PLD5: variants seen among roughly 807,000 people sequenced by gnomAD.
PLD5 encodes inactive phospholipase D5.
In PLD5, 36 loss-of-function variants were observed where a neutral mutation model predicts 61.1. The observed-to-expected ratio is 0.59, with a 90% confidence interval of 0.45 to 0.78. The LOEUF (loss-of-function observed/expected upper bound fraction) is 0.78, where lower values mean the gene tolerates loss of function less well. Ranked by LOEUF, PLD5 falls within the 30% of genes least tolerant of loss-of-function variation. The pLI, the probability that PLD5 is intolerant of heterozygous loss-of-function variation, is 0.00. For synonymous variants in PLD5, 243 were observed against 242.8 expected, an observed-to-expected ratio of 1.00 and a Z score of -0.01; for missense variants, 515 against 644.4, an observed-to-expected ratio of 0.80 and a Z score of 2.17.
At chr1:242,306,770 C>T (rs1379104102) in intron 2 of PLD5, among the ~76,000 whole-genome samples, 18 of 135,294 alleles carry the variant, frequency 1.3e-4, no homozygotes, top group Admixed American at 3.1e-4. Flanking sequence ...CACACACACA[C>T]ACACACACAC....
intron 4 of PLD5, among the ~76,000 whole-genome samples, chr1:242,247,439 C>CA (rs1672455929): frequency 3.3e-5 from 5 of 152,292 alleles, no homozygotes; most frequent in South Asian, 4.1e-4. Context: ...TGGGTCATTA[C>CA]AAAAAACCCA....
chr1:242,224,564 C>T (rs988222656), intron 4 of PLD5, among the ~76,000 whole-genome samples: 4 of 152,058 alleles, frequency 2.6e-5, no homozygotes, highest in Non-Finnish European at 5.9e-5. Flanking sequence ...TCAATATTCA[C>T]GGGGGTTATT....
intron 4 of PLD5, among the ~76,000 whole-genome samples, chr1:242,259,501 T>G (rs543088566): frequency 1.3e-5 from 2 of 152,304 alleles, no homozygotes; most frequent in East Asian, 3.9e-4. Flanking sequence ...AACTCAATTA[T>G]AGTAAATAAT....
intron 1 of PLD5, among the ~76,000 whole-genome samples, chr1:242,486,874 T>C (rs954156457): frequency 3.3e-5 from 5 of 152,124 alleles, no homozygotes; most frequent in African/African-American, 4.8e-5. Context: ...TGGAATACTA[T>C]GCAGCCATAA....
At chr1:242,319,920 C>G (rs1163368993) in intron 2 of PLD5, among the ~76,000 whole-genome samples, 35 of 152,200 alleles carry the variant, frequency 2.3e-4, no homozygotes, top group Non-Finnish European at 3.5e-4. Flanking sequence ...CCACTTTTAT[C>G]TACCACCCTT....
intron 1 of PLD5, among the ~76,000 whole-genome samples, chr1:242,435,459 G>A (rs997182980): frequency 6.7e-6 from 1 of 149,346 alleles, no homozygotes; most frequent in African/African-American, 2.6e-5. Context: ...TAGCATTGAA[G>A]TGTGTATAGT....
chr1:242,408,758 A>C (rs1477302339), intron 1 of PLD5, among the ~76,000 whole-genome samples: 3 of 152,018 alleles, frequency 2.0e-5, no homozygotes, highest in African/African-American at 7.2e-5. Flanking sequence ...GGCCTAACAC[A>C]CCAGTGCTTT....
chr1:242,259,462 A>G (rs1157357327), intron 4 of PLD5, among the ~76,000 whole-genome samples: 2 of 152,260 alleles, frequency 1.3e-5, no homozygotes, highest in Non-Finnish European at 2.9e-5. Context: ...TGTATTTGGG[A>G]AATCACAATT....
At chr1:242,501,777 T>C (rs1668561340) in intron 1 of PLD5, among the ~76,000 whole-genome samples, 1 of 117,566 alleles carries the variant, frequency 8.5e-6, no homozygotes, top group Non-Finnish European at 1.7e-5. Context: ...AATTAAGATA[T>C]ATTAATATTC....
chr1:242,094,901 A>C (rs1404702319), intron 9 of PLD5, among the ~76,000 whole-genome samples: 1 of 152,014 alleles, frequency 6.6e-6, no homozygotes, highest in Admixed American at 6.6e-5. Context: ...ATTCAAATAT[A>C]GGTTTGTCTC....
chr1:242,098,970 C>T (rs1029310742), intron 9 of PLD5, among the ~76,000 whole-genome samples: 1 of 152,200 alleles, frequency 6.6e-6, no homozygotes, highest in Non-Finnish European at 1.5e-5. Context: ...TCTGCCCCTA[C>T]TGGGGGGTGC....
intron 5 of PLD5, among the ~76,000 whole-genome samples, chr1:242,181,076 T>G (rs1186778579): frequency 6.6e-6 from 1 of 152,144 alleles, no homozygotes; most frequent in Non-Finnish European, 1.5e-5. Flanking sequence ...GGTCTAAGGA[T>G]CATGCTGAGA....
chr1:242,181,141 G>C (rs547841626), intron 5 of PLD5, among the ~76,000 whole-genome samples: 25 of 152,260 alleles, frequency 1.6e-4, no homozygotes, highest in Non-Finnish European at 3.1e-4. Flanking sequence ...CAAATCACCT[G>C]GGGTGATTTG....
At chr1:242,211,294 G>C (rs1669804492) in intron 5 of PLD5, among the ~76,000 whole-genome samples, 1 of 152,196 alleles carries the variant, frequency 6.6e-6, no homozygotes, top group Non-Finnish European at 1.5e-5. Flanking sequence ...TTTCAGGATA[G>C]GGTTATGGCT....
intron 1 of PLD5, among the ~76,000 whole-genome samples, chr1:242,515,358 A>G (rs1310992822): frequency 6.6e-6 from 1 of 152,226 alleles, no homozygotes; most frequent in African/African-American, 2.4e-5. Flanking sequence ...GATTACAGGC[A>G]TGTGCCACCA....
chr1:242,263,550 C>G (rs1673490242), intron 4 of PLD5, among the ~76,000 whole-genome samples: 1 of 151,170 alleles, frequency 6.6e-6, no homozygotes. Flanking sequence ...ATGTGCATCC[C>G]TAAGAGCCAG....
At chr1:242,153,278 A>C (rs1665084392) in intron 5 of PLD5, among the ~76,000 whole-genome samples, 1 of 152,030 alleles carries the variant, frequency 6.6e-6, no homozygotes, top group Non-Finnish European at 1.5e-5. Flanking sequence ...AGATTGCAAA[A>C]ATTTTCTCCC....
chr1:242,527,044 A>G (rs762925961), upstream of PLD5, among the ~76,000 whole-genome samples: 3 of 149,094 alleles, frequency 2.0e-5, no homozygotes, highest in South Asian at 4.2e-4. Flanking sequence ...CTCAAAGTAA[A>G]TAGATTTTTT....
In PLD5 at chr1:242,419,299, C is replaced by G. The variant is rs868215243; in HGVS notation, c.190-71057G>C. On this transcript the variant is annotated intron_variant, in intron 1 of 9. Coordinates refer to ENST00000536534, the MANE Select transcript of PLD5 (RefSeq NM_001372062.1). ...GTGGCAGAGGACACAAAAGTCATGG[C>G]AAAGACTCGTCGCATGACTTGTAGT... Among the ~76,000 whole-genome samples the G allele has an allele frequency of 2.5e-4, 38 of 151,802 alleles. 2 individuals carry two copies. Among genetic ancestry groups the G allele is most frequent in the Middle Eastern group, 6.8e-3 (2 of 294 alleles).
Sources: allele counts gnomAD v4.1 joint callset (sites outside exome capture counted in the v4.1 genomes callset), GRCh38; gene constraint gnomAD v4.1.1; transcripts MANE v1.5; gene names NCBI Gene and HGNC (gene_info 2026-07-23, HGNC 2026-07-21).